The following NKIRAS1 variants were observed in gnomAD, a reference collection of about 807,000 sequenced individuals.
NKIRAS1 encodes the protein NFKB inhibitor interacting Ras like 1, also known as NF-kappa-B inhibitor-interacting Ras-like protein 1.
In NKIRAS1, 16 loss-of-function variants were observed where a neutral mutation model predicts 19.8. The ratio of observed to expected loss-of-function variants is 0.81; its 90% CI spans 0.55 to 1.23. The LOEUF (loss-of-function observed/expected upper bound fraction) is 1.23, where lower values mean the gene tolerates loss of function less well. Ranked by LOEUF, NKIRAS1 falls within the 50% of genes most tolerant of loss-of-function variation. The pLI is 0.00. For synonymous variants in NKIRAS1, 88 were observed against 79.0 expected (o/e 1.11, Z -0.61); for missense variants, 184 against 220.0 (o/e 0.84, Z 1.04).
intron 3 of NKIRAS1, among the ~76,000 whole-genome samples, chr3:23,908,306 C>A (rs1480289760): frequency 2.0e-5 from 3 of 152,194 alleles, no homozygotes; most frequent in African/African-American, 2.4e-5. Context: ...AGATTCTACA[C>A]TGCAATAACC....
chr3:23,910,156 CTTTTTT>C (rs34240932), intron 3 of NKIRAS1, among the ~76,000 whole-genome samples: 1 of 96,558 alleles, frequency 1.0e-5, no homozygotes, highest in South Asian at 3.5e-4. Flanking sequence ...TGCGCTCGGC[CTTTTTT>C]TTTTTTTTTT....
At chr3:23,933,859 G>A in intron 1 of NKIRAS1, among the ~76,000 whole-genome samples, 1 of 152,162 alleles carries the variant, frequency 6.6e-6, no homozygotes, top group Admixed American at 6.5e-5. Flanking sequence ...TGGGTGTCTG[G>A]TAAAGGGCCC....
chr3:23,893,103 CAGAATT>C lies in NKIRAS1; in HGVS notation c.565_570del (p.Asn189_Ser190del). 3 of 1,550,778 alleles carry C rather than the reference CAGAATT, an allele frequency of 1.9e-6. 1 individual carries two copies. The South Asian group carries it at 3.8e-5, about 20-fold the overall frequency. ...GTGGAAATTACTGATTTTTAGTTCTCAGAATTAGAGTTCCCTTTGTTTTTCCTCCCA... is the reference window on the plus strand; with the variant it reads ...GTGGAAATTACTGATTTTTAGTTCTCAGAGTTCCCTTTGTTTTTCCTCCCA... On this transcript the variant is annotated inframe_deletion, in exon 5 of 5. Transcript: ENST00000425478.
chr3:23,943,626 C>T (rs1002176524), intron 1 of NKIRAS1, among the ~76,000 whole-genome samples: 3 of 152,236 alleles, frequency 2.0e-5, no homozygotes, highest in African/African-American at 7.2e-5. Flanking sequence ...TTTCTGCCTT[C>T]TAGACTGTTC....
chr3:23,904,916 C>T (rs765151606), intron 3 of NKIRAS1, among the ~76,000 whole-genome samples: 1 of 152,170 alleles, frequency 6.6e-6, no homozygotes, highest in Non-Finnish European at 1.5e-5. Context: ...ACCTAACAGA[C>T]AGAGGTAGTT....
chr3:23,920,220 A>AC (rs1199519790), upstream of NKIRAS1: 1 of 985,710 alleles, frequency 1.0e-6, no homozygotes, highest in African/African-American at 1.7e-5. Context: ...AAAATACTTA[A>AC]CCGTAATGCT....
At chr3:23,928,890 G>C (rs1046784046) in intron 1 of NKIRAS1, among the ~76,000 whole-genome samples, 1 of 151,706 alleles carries the variant, frequency 6.6e-6, no homozygotes, top group South Asian at 2.1e-4. Flanking sequence ...CCAGCCACTT[G>C]GTAGGCTGAA....
chr3:23,931,200 C>G (rs1045835479), intron 1 of NKIRAS1, among the ~76,000 whole-genome samples: 6 of 152,088 alleles, frequency 3.9e-5, no homozygotes, highest in Non-Finnish European at 7.3e-5. Context: ...GTTTGAAACT[C>G]TTCGTAAAGT....
chr3:23,891,716 T>TA lies in NKIRAS1; in HGVS notation c.*1378dup, dbSNP rs1161625438. On this transcript the variant is annotated 3_prime_UTR_variant, in exon 5 of 5. Transcript: ENST00000425478. ...TCAGAGAAACTTATCTGGATACACA[T>TA]ACATTCATTACAGAATTTAAAAAGA... is the stretch of plus-strand genomic sequence containing the variant. The TA allele has an allele frequency of 1.3e-5, 2 of 152,236 alleles. No homozygotes were observed. The highest frequency in any genetic ancestry group is 2.9e-5 in the Non-Finnish European group (2 of 68,048). The allele number at this position is 152,236 out of a possible 1,614,324, so 9.4% of individuals were successfully genotyped here.
At chr3:23,941,592 C>T (rs1705497288) in intron 1 of NKIRAS1, among the ~76,000 whole-genome samples, 1 of 152,110 alleles carries the variant, frequency 6.6e-6, no homozygotes, top group Non-Finnish European at 1.5e-5. Flanking sequence ...AAATGAGGCT[C>T]CTTGGAATGA....
chr3:23,917,172 A>G, upstream of NKIRAS1: 1 of 153,040 alleles, frequency 6.5e-6, no homozygotes, highest in Non-Finnish European at 1.5e-5. Flanking sequence ...GGCAGCCATC[A>G]GGTAGGCTGC....
At chr3:23,935,510 C>T (rs1372847082) in intron 1 of NKIRAS1, among the ~76,000 whole-genome samples, 1 of 152,086 alleles carries the variant, frequency 6.6e-6, no homozygotes, top group African/African-American at 2.4e-5. Context: ...CTACCACTAA[C>T]ACTTAGGCTC....
chr3:23,945,469 C>T (rs1281301611), intron 1 of NKIRAS1: 4 of 609,482 alleles, frequency 6.6e-6, no homozygotes, highest in African/African-American at 2.0e-5. Flanking sequence ...TGAGGGGGCC[C>T]CGCGACCACC....
chr3:23,919,917 C>G (rs574999516), upstream of NKIRAS1: 2 of 990,388 alleles, frequency 2.0e-6, no homozygotes, highest in African/African-American at 1.7e-5. Flanking sequence ...CAGGTGTAGA[C>G]TTTTTAAGTT....
At chr3:23,901,633 G>A (rs1702531333) in intron 3 of NKIRAS1, among the ~76,000 whole-genome samples, 1 of 152,122 alleles carries the variant, frequency 6.6e-6, no homozygotes, top group South Asian at 2.1e-4. Context: ...TAAGTGAAAG[G>A]AACCATTCTG....
At chr3:23,920,428 A>G (rs370602530), upstream of NKIRAS1, 1 of 985,448 alleles carries the variant, frequency 1.0e-6, no homozygotes, top group African/African-American at 1.7e-5. Context: ...TGTTCTGGCC[A>G]AACAACCCTA....
intron 4 of NKIRAS1, among the ~76,000 whole-genome samples, chr3:23,893,659 T>C (rs1368868832): frequency 6.6e-6 from 1 of 151,880 alleles, no homozygotes. Flanking sequence ...ATAAAAAAAT[T>C]AGCCAGGCGT....
intron 1 of NKIRAS1, among the ~76,000 whole-genome samples, chr3:23,939,872 C>T (rs1322276806): frequency 6.6e-6 from 1 of 152,134 alleles, no homozygotes; most frequent in East Asian, 1.9e-4. Flanking sequence ...TGGACAAACT[C>T]CTAGAATAAT....
chr3:23,932,056 G>A (rs1050923889), intron 1 of NKIRAS1, among the ~76,000 whole-genome samples: 2 of 152,166 alleles, frequency 1.3e-5, no homozygotes, highest in African/African-American at 4.8e-5. Flanking sequence ...TTAGAAAGGA[G>A]TGTGGCTTGA....
Sources: allele counts gnomAD v4.1 joint callset (sites outside exome capture counted in the v4.1 genomes callset), GRCh38; gene constraint gnomAD v4.1.1; transcripts MANE v1.5; gene names NCBI Gene and HGNC (gene_info 2026-07-23, HGNC 2026-07-21).